The following TCF25 variants were observed in gnomAD, a reference collection of about 807,000 sequenced individuals.
TCF25 encodes the protein ribosome quality control complex subunit TCF25.
A neutral mutation model predicts 83.1 loss-of-function variants in TCF25; 41 were observed. That is an observed-to-expected ratio of 0.49 (90% CI 0.38 to 0.64). The LOEUF (loss-of-function observed/expected upper bound fraction) is 0.64, where lower values mean the gene tolerates loss of function less well. TCF25 is among the 30% of genes least tolerant of loss of function. The probability of loss-of-function intolerance (pLI) is 0.00; values close to 1 mark genes in which losing one functional copy is unlikely to be tolerated. For missense variants in TCF25, 979 were observed against 914.5 expected (o/e 1.07, Z -0.91); for synonymous variants, 458 against 365.0 (o/e 1.25, Z -2.90).
chr16:89,892,668 A>C (rs920561391), intron 6 of TCF25, among the ~76,000 whole-genome samples: 2 of 152,234 alleles, frequency 1.3e-5, no homozygotes, highest in African/African-American at 4.8e-5. Context: ...TTTAAACTGC[A>C]ATATTTTGTA....
intron 5 of TCF25, among the ~76,000 whole-genome samples, chr16:89,891,500 C>T (rs576110771): frequency 3.3e-5 from 5 of 152,326 alleles, no homozygotes; most frequent in South Asian, 2.1e-4. Flanking sequence ...TGTGCTGCCG[C>T]GGCTGCCACG....
At chr16:89,878,626 G>C in intron 1 of TCF25, 1 of 1,136,718 alleles carries the variant, frequency 8.8e-7, no homozygotes, top group Non-Finnish European at 1.1e-6. Flanking sequence ...CACAGCTTTT[G>C]GGTAGGTAAT....
chr16:89,894,375 CGCAGCCCCAG>C (rs1237748575), intron 7 of TCF25, among the ~76,000 whole-genome samples: 4 of 151,046 alleles, frequency 2.6e-5, no homozygotes, highest in African/African-American at 9.8e-5. Flanking sequence ...ACGGCCCCCG[CGCAGCCCCAG>C]ACAGCCCCCG....
At chr16:89,904,672 C>T (rs955813608) in intron 13 of TCF25, 11 of 593,344 alleles carry the variant, frequency 1.9e-5, no homozygotes, top group Non-Finnish European at 3.4e-5. Context: ...TGTGTGCACG[C>T]AGATGGACCC....
At chr16:89,898,485 T>C in intron 9 of TCF25, 72 bp from the exon 10 acceptor site, 2 of 1,516,924 alleles carry the variant, frequency 1.3e-6, no homozygotes, top group Non-Finnish European at 1.8e-6. Flanking sequence ...GAGTGGGTGC[T>C]GGCCGGGGCG....
intron 10 of TCF25, 55 bp from the exon 11 acceptor site, chr16:89,898,712 A>G: frequency 6.2e-7 from 1 of 1,612,470 alleles, no homozygotes; most frequent in Non-Finnish European, 8.5e-7. Context: ...GCCCACTCTC[A>G]GCCTGACGAT....
intron 16 of TCF25, among the ~76,000 whole-genome samples, chr16:89,908,093 C>T: frequency 7.4e-6 from 1 of 135,932 alleles, no homozygotes; most frequent in Non-Finnish European, 1.6e-5. Flanking sequence ...CCTCCCTCCT[C>T]CCAGTTCCCA....
intron 13 of TCF25, 140 bp downstream of exon 13, chr16:89,904,345 A>AT (rs79597287): frequency 0.11 from 97,969 of 918,432 alleles, 6,982 homozygotes; most frequent in African/African-American, 0.27. Flanking sequence ...GGGGACTGTC[A>AT]TTTGACATGG....
intron 12 of TCF25, 62 bp downstream of exon 12, chr16:89,900,856 C>A: frequency 6.9e-7 from 1 of 1,445,782 alleles, no homozygotes; most frequent in African/African-American, 1.4e-5. Context: ...GGGGGCTGCT[C>A]TTCCTGGTGG....
intron 12 of TCF25, among the ~76,000 whole-genome samples, chr16:89,903,814 C>CA (rs112379009): frequency 2.6e-4 from 39 of 150,734 alleles, no homozygotes; most frequent in Non-Finnish European, 3.6e-4. Flanking sequence ...CTCAGAAAAA[C>CA]AAAAAAAAAC....
chr16:89,900,943 C>A, intron 12 of TCF25, 149 bp downstream of exon 12: 3 of 937,236 alleles, frequency 3.2e-6, no homozygotes, highest in Non-Finnish European at 2.9e-6. Context: ...CCTGCCCTAC[C>A]AAACCTGAAA....
At chr16:89,890,766 G>T (rs2043365833) in intron 5 of TCF25, 1 of 152,018 alleles carries the variant, frequency 6.6e-6, no homozygotes, top group African/African-American at 2.4e-5. Flanking sequence ...ATTATTAATA[G>T]TAATTAGTAT....
At chr16:89,892,082 T>A (rs1222209634) in intron 5 of TCF25, 111 bp from the exon 6 acceptor site, 4 of 1,044,240 alleles carry the variant, frequency 3.8e-6, no homozygotes, top group Non-Finnish European at 5.3e-6. Flanking sequence ...CCCACATGCC[T>A]TCTCTGCCCC....
rs1414459067 is a variant in TCF25, at chr16:89,885,850, A to C, written c.432A>C (p.Glu144Asp). ...AGAGGTTGTTTTGGGGCTTTTAGGA[A>C]AACGGACTAGAAGATATCGATCGCA... Reference protein sequence around the residue: ...NKKSSTGEASENGLEDIDRIL... With the variant: ...NKKSSTGEASDNGLEDIDRIL... The change falls in exon 4 of 18, where the codon GAA (glutamate) becomes GAC (aspartate). Residue 144 changes from glutamate (E) to aspartate (D), a missense_variant and splice_region_variant. Transcript: ENST00000263346. 2 of 1,603,594 alleles carry C rather than the reference A, an allele frequency of 1.2e-6. No homozygotes were observed. The highest frequency in any genetic ancestry group is 2.7e-5 in the African/African-American group (2 of 74,766).
At chr16:89,893,579 A>C in intron 6 of TCF25, 149 bp from the exon 7 acceptor site, 1 of 1,256,316 alleles carries the variant, frequency 8.0e-7, no homozygotes, top group Non-Finnish European at 1.1e-6. Context: ...AGGTGTCCGG[A>C]GCTGGTGACA....
chr16:89,908,618 A>C (rs920820304), intron 16 of TCF25, among the ~76,000 whole-genome samples: 9 of 8,116 alleles, frequency 1.1e-3, no homozygotes, highest in Non-Finnish European at 1.3e-3. Flanking sequence ...CCCAGCTCCC[A>C]CCTCCCAGCT....
chr16:89,895,074 C>T lies in TCF25; in HGVS notation c.865C>T (p.Leu289Phe). The part of the protein sequence containing the change: ...LQTSPYHVDS[L>F]LQLSDACRFQ... ...GACGAGCCCTTACCACGTTGACTCA[C>T]TCCTGCAGCTCAGCGATGCCTGCCG... The change falls in exon 8 of 18, where the codon CTC becomes TTC. Residue 289 changes from leucine to phenylalanine, a missense_variant. By Grantham distance (22) the Leu-to-Phe change is conservative. Transcript: ENST00000263346. 6.2e-7 allele frequency: 1 copy of T among 1,613,400 alleles called. No individual in the cohort carries two copies. Among genetic ancestry groups the T allele is most frequent in the African/African-American group, 1.3e-5 (1 of 75,058 alleles).
At chr16:89,906,952 G>C (rs1449232618) in intron 15 of TCF25, among the ~76,000 whole-genome samples, 1 of 152,114 alleles carries the variant, frequency 6.6e-6, no homozygotes, top group Non-Finnish European at 1.5e-5. Context: ...ATGTTGGCAG[G>C]CTTGAGCGGC....
At position 89,884,631 on chromosome 16, in the gene TCF25, A is replaced by G; in HGVS notation, c.404A>G (p.Lys135Arg). Residue 135 changes from lysine (K) to arginine (R), a missense_variant, in exon 3 of 18, where the codon AAG becomes AGG. Physicochemically the swap from Lys to Arg is conservative, Grantham distance 26. Coordinates refer to ENST00000263346, the MANE Select transcript of TCF25 (RefSeq NM_014972.3). ...AAGAAGAAAAAAAAACAGAAAAACA[A>G]GAAAAGCAGCACGGGAGAAGCATCG... is the stretch of plus-strand genomic sequence containing the variant. ...LRKKKKKQKN[K>R]KSSTGEASEN... 6.2e-7 allele frequency: 1 copy of G among 1,613,486 alleles called. No homozygotes were observed. Among genetic ancestry groups the G allele is most frequent in the Non-Finnish European group, 8.5e-7 (1 of 1,179,644 alleles).
Sources: gnomAD v4.1 joint callset for allele counts (sites outside exome capture counted in the v4.1 genomes callset) on GRCh38, gnomAD v4.1.1 for gene constraint, MANE v1.5 for transcripts, NCBI Gene and HGNC (gene_info 2026-07-23, HGNC 2026-07-21) for gene names.